The following EPC1 variants were observed in gnomAD, a reference collection of about 807,000 sequenced individuals.
EPC1 encodes the protein enhancer of polycomb homolog 1.
Under a neutral mutation model 98.4 loss-of-function variants are expected in EPC1, and 12 were observed. That is an observed-to-expected ratio of 0.12 (90% CI 0.08 to 0.20). The LOEUF is 0.20. Ranked by LOEUF, EPC1 falls within the 10% of genes least tolerant of loss-of-function variation. The probability of loss-of-function intolerance (pLI) is 1.00; values close to 1 mark genes in which losing one functional copy is unlikely to be tolerated. For missense variants in EPC1, 729 were observed against 990.5 expected (o/e 0.74, Z 3.54); for synonymous variants, 357 against 363.9 (o/e 0.98, Z 0.21).
At chr10:32,288,312 C>CTTTTTTTTTTTTTT (rs5784278) in intron 6 of EPC1, among the ~76,000 whole-genome samples, 2 of 124,102 alleles carry the variant, frequency 1.6e-5, no homozygotes, top group Non-Finnish European at 1.6e-5. Context: ...TTACTTTTTT[C>CTTTTTTTTTTTTTT]TTTTTTTTTT....
chr10:32,301,820 T>C (rs542713490), intron 2 of EPC1, among the ~76,000 whole-genome samples: 5 of 152,196 alleles, frequency 3.3e-5, no homozygotes, highest in Non-Finnish European at 5.9e-5. Context: ...GCAAAACTTT[T>C]AGAAGAGAAC....
chr10:32,273,309 T>C (rs371462105), intron 10 of EPC1, 28 bp from the exon 11 acceptor site: 251 of 1,608,148 alleles, frequency 1.6e-4, no homozygotes, highest in Non-Finnish European at 2.1e-4. Context: ...AAACACTTTA[T>C]AAAAATGCCC....
chr10:32,346,591 G>C (rs927778595), intron 1 of EPC1, 172 bp downstream of exon 1: 8 of 665,332 alleles, frequency 1.2e-5, no homozygotes, highest in Non-Finnish European at 2.0e-5. Flanking sequence ...CTGGGCCGCG[G>C]CGGCCGGGGG....
chr10:32,334,773 T>C (rs546540524), intron 1 of EPC1, among the ~76,000 whole-genome samples: 62 of 152,320 alleles, frequency 4.1e-4, no homozygotes, highest in Non-Finnish European at 5.9e-4. Context: ...AGGTGGGGTT[T>C]ATGTCATTAC....
At chr10:32,290,604 T>C (rs1284060323) in intron 6 of EPC1, among the ~76,000 whole-genome samples, 1 of 151,548 alleles carries the variant, frequency 6.6e-6, no homozygotes, top group South Asian at 2.1e-4. Flanking sequence ...TTCATAATCC[T>C]ACAACTTGTA....
At chr10:32,370,022 A>G (rs1044111935) in intron 1 of EPC1, among the ~76,000 whole-genome samples, 35 of 152,350 alleles carry the variant, frequency 2.3e-4, no homozygotes, top group African/African-American at 8.2e-4. Context: ...CTAAATTTTA[A>G]AGCATAATGG....
intron 13 of EPC1, chr10:32,269,478 A>T (rs1234234169): frequency 8.5e-6 from 2 of 236,278 alleles, no homozygotes; most frequent in Non-Finnish European, 1.7e-5. Context: ...AAGGAAACAA[A>T]CATAACTGAG....
At chr10:32,288,772 GA>G (rs1554818880) in intron 6 of EPC1, among the ~76,000 whole-genome samples, 1 of 152,092 alleles carries the variant, frequency 6.6e-6, no homozygotes, top group Non-Finnish European at 1.5e-5. Context: ...GTAGGGCTCA[GA>G]GGGGGGGACC....
At chr10:32,310,893 A>G (rs1164968939) in intron 1 of EPC1, among the ~76,000 whole-genome samples, 1 of 148,028 alleles carries the variant, frequency 6.8e-6, no homozygotes, top group Non-Finnish European at 1.5e-5. Context: ...AAAAATTCAC[A>G]TAATTACCTC....
chr10:32,291,565 AT>A (rs1253508240), intron 5 of EPC1: 12 of 285,290 alleles, frequency 4.2e-5, no homozygotes, highest in Non-Finnish European at 7.2e-5. Flanking sequence ...GAATGTATTC[AT>A]TTCATAACTG....
At chr10:32,349,852 G>A (rs567299374), upstream of EPC1, among the ~76,000 whole-genome samples, 8 of 152,188 alleles carry the variant, frequency 5.3e-5, no homozygotes, top group Admixed American at 3.9e-4. Context: ...CTCCCACCTC[G>A]GCCTCCCAAA....
chr10:32,312,495 C>T (rs191535661), intron 1 of EPC1, among the ~76,000 whole-genome samples: 1 of 152,214 alleles, frequency 6.6e-6, no homozygotes, highest in Admixed American at 6.5e-5. Context: ...CCCTATATTC[C>T]TTTATCCCCT....
chr10:32,290,075 T>C (rs538452578), intron 6 of EPC1, among the ~76,000 whole-genome samples: 23 of 152,308 alleles, frequency 1.5e-4, no homozygotes, highest in African/African-American at 5.3e-4. Context: ...TCTTCACAAA[T>C]TGTGACTTAG....
In EPC1 at chr10:32,277,190, C is replaced by T. The variant is rs571621024; in HGVS notation, c.1745-3909G>A. Among the ~76,000 whole-genome samples the T allele has an allele frequency of 9.2e-5, 14 of 152,288 alleles. No homozygotes were observed. The South Asian group carries it at 2.9e-3, about 32-fold the overall frequency. On this transcript the variant is annotated intron_variant, in intron 10 of 13. Coordinates refer to ENST00000319778, the MANE Select transcript of EPC1 (RefSeq NM_001272004.3). ...GAATCAAGTGCTTAAAAAGCCCACA[C>T]ACATAGAGCACCTGACAAACAAGGG...
chr10:32,372,875 T>C (rs1366092872), intron 1 of EPC1, among the ~76,000 whole-genome samples: 1 of 151,952 alleles, frequency 6.6e-6, no homozygotes. Context: ...ACAAAAAAAA[T>C]TAGCTGGGTG....
intron 8 of EPC1, 21 bp from the exon 9 acceptor site, chr10:32,286,863 T>C: frequency 1.2e-6 from 2 of 1,609,970 alleles, no homozygotes; most frequent in East Asian, 2.2e-5. Context: ...AAAATCCAAA[T>C]TATTTAATTT....
At chr10:32,336,737 T>G (rs1039537702) in intron 1 of EPC1, among the ~76,000 whole-genome samples, 14 of 152,054 alleles carry the variant, frequency 9.2e-5, no homozygotes, top group African/African-American at 2.9e-4. Context: ...TTTATCTGCC[T>G]TCCTTTCACA....
intron 1 of EPC1, among the ~76,000 whole-genome samples, chr10:32,355,835 T>C (rs1839259236): frequency 6.6e-6 from 1 of 152,170 alleles, no homozygotes; most frequent in African/African-American, 2.4e-5. Flanking sequence ...GGTCTTGAAC[T>C]CCAGACCGCA....
At chr10:32,330,927 G>GAT (rs1436542260) in intron 1 of EPC1, among the ~76,000 whole-genome samples, 1 of 152,048 alleles carries the variant, frequency 6.6e-6, no homozygotes, top group African/African-American at 2.4e-5. Context: ...TAGAATGTCT[G>GAT]ATCTCGTGTG....
Sources: gnomAD v4.1 joint callset for allele counts (sites outside exome capture counted in the v4.1 genomes callset) on GRCh38, gnomAD v4.1.1 for gene constraint, MANE v1.5 for transcripts, NCBI Gene and HGNC (gene_info 2026-07-23, HGNC 2026-07-21) for gene names.